The following TMEM117 variants were observed in gnomAD, a reference collection of about 807,000 sequenced individuals.
TMEM117 encodes the protein transmembrane protein 117.
In TMEM117, 27 loss-of-function variants were observed where a neutral mutation model predicts 52.4. The observed-to-expected ratio is 0.51, with a 90% CI of 0.38 to 0.71. The LOEUF (loss-of-function observed/expected upper bound fraction) is 0.71, where lower values mean the gene tolerates loss of function less well. TMEM117 is among the 30% of genes least tolerant of loss of function. TMEM117 has a pLI of 0.00. For synonymous variants in TMEM117, 215 were observed against 206.3 expected (o/e 1.04, Z -0.36); for missense variants, 556 against 630.5 (o/e 0.88, Z 1.26).
At chr12:44,061,240 A>G (rs758208737) in intron 3 of TMEM117, among the ~76,000 whole-genome samples, 3 of 151,078 alleles carry the variant, frequency 2.0e-5, no homozygotes, top group African/African-American at 4.9e-5. Context: ...GATCTCTGGT[A>G]TCTGGGGTCA....
chr12:43,920,036 C>T (rs983442961), intron 2 of TMEM117, among the ~76,000 whole-genome samples: 1 of 151,952 alleles, frequency 6.6e-6, no homozygotes, highest in Non-Finnish European at 1.5e-5. Flanking sequence ...AATCTTCTCC[C>T]TGTGGCACAA....
chr12:44,286,640 A>G (rs1235277508), intron 5 of TMEM117, among the ~76,000 whole-genome samples: 1 of 152,210 alleles, frequency 6.6e-6, no homozygotes, highest in African/African-American at 2.4e-5. Context: ...ACCTAAAGTA[A>G]AAGTTCCGTA....
intron 4 of TMEM117, among the ~76,000 whole-genome samples, chr12:44,183,398 T>A (rs992498840): frequency 3.3e-5 from 5 of 152,218 alleles, no homozygotes; most frequent in African/African-American, 1.2e-4. Flanking sequence ...TTAGGTGACA[T>A]GAAGCTGGGT....
intron 3 of TMEM117, among the ~76,000 whole-genome samples, chr12:43,945,122 T>TAAATAAATAAAC (rs1357635426): frequency 6.6e-6 from 1 of 151,180 alleles, no homozygotes; most frequent in Non-Finnish European, 1.5e-5. Context: ...AATAAATAAA[T>TAAATAAATAAAC]AAATAAATAA....
chr12:44,251,091 T>A (rs192940480), intron 5 of TMEM117, among the ~76,000 whole-genome samples: 1 of 152,150 alleles, frequency 6.6e-6, no homozygotes, highest in African/African-American at 2.4e-5. Context: ...TTACATATTG[T>A]CTTGTCCAAG....
At chr12:43,981,162 C>G (rs1221334234) in intron 3 of TMEM117, among the ~76,000 whole-genome samples, 1 of 152,012 alleles carries the variant, frequency 6.6e-6, no homozygotes, top group African/African-American at 2.4e-5. Flanking sequence ...TGACCGATCT[C>G]CTACACCATG....
intron 5 of TMEM117, among the ~76,000 whole-genome samples, chr12:44,244,991 A>G (rs1950111081): frequency 6.6e-6 from 1 of 151,986 alleles, no homozygotes; most frequent in Non-Finnish European, 1.5e-5. Flanking sequence ...TCAAAAATCA[A>G]TTGACTATAA....
chr12:44,205,609 A>C (rs1276130830), intron 4 of TMEM117, among the ~76,000 whole-genome samples: 1 of 152,218 alleles, frequency 6.6e-6, no homozygotes, highest in Non-Finnish European at 1.5e-5. Context: ...AAGGACATGA[A>C]CAGACACTTA....
chr12:44,244,962 T>A, intron 5 of TMEM117, among the ~76,000 whole-genome samples: 1 of 152,106 alleles, frequency 6.6e-6, no homozygotes. Context: ...TTCCTTATTG[T>A]ATGTTCTTGT....
At chr12:44,164,330 C>T (rs575964737) in intron 4 of TMEM117, among the ~76,000 whole-genome samples, 4 of 152,116 alleles carry the variant, frequency 2.6e-5, no homozygotes, top group Admixed American at 2.0e-4. Context: ...ACACTGTACC[C>T]AATATGTAGT....
At chr12:44,268,310 T>C (rs897761862) in intron 5 of TMEM117, among the ~76,000 whole-genome samples, 2 of 151,878 alleles carry the variant, frequency 1.3e-5, no homozygotes, top group African/African-American at 4.8e-5. Flanking sequence ...GCTAATTTTT[T>C]TTTTTATACT....
intron 3 of TMEM117, among the ~76,000 whole-genome samples, chr12:43,981,300 C>G (rs547420687): frequency 1.3e-5 from 2 of 152,248 alleles, no homozygotes; most frequent in South Asian, 2.1e-4. Context: ...ATTGTTCAAT[C>G]TGGGTTTTAG....
At chr12:44,198,962 T>G (rs1384421268) in intron 4 of TMEM117, among the ~76,000 whole-genome samples, 2 of 152,146 alleles carry the variant, frequency 1.3e-5, no homozygotes, top group Admixed American at 1.3e-4. Flanking sequence ...AATATGACTG[T>G]AGTGTATTTG....
At position 44,376,736 on chromosome 12, in the gene TMEM117, C is replaced by G. The variant is rs774343251; in HGVS notation, c.898+12C>G. ...TATTCACATAACAGGTGTGTTATAT[C>G]TTTGAACACAATTTGATTATCTTCG... On this transcript the variant is annotated intron_variant, in intron 7 of 7. Coordinates refer to ENST00000266534, the MANE Select transcript of TMEM117 (RefSeq NM_032256.3). 2.5e-6 allele frequency: 4 copies of G among 1,582,424 alleles called. No individual in the cohort carries two copies. The African/African-American group carries it at 5.5e-5, about 22-fold the overall frequency.
intron 1 of TMEM117, among the ~76,000 whole-genome samples, chr12:43,843,023 A>C (rs1037697011): frequency 1.3e-4 from 20 of 152,144 alleles, no homozygotes; most frequent in African/African-American, 4.8e-4. Context: ...GTCAGCCCCA[A>C]TTTCCACCCT....
intron 4 of TMEM117, among the ~76,000 whole-genome samples, chr12:44,166,316 G>T (rs1426902105): frequency 6.6e-6 from 1 of 152,146 alleles, no homozygotes. Flanking sequence ...TCAAGGAACT[G>T]GATGGTATAG....
At chr12:44,177,570 A>G (rs1949133171) in intron 4 of TMEM117, among the ~76,000 whole-genome samples, 1 of 152,186 alleles carries the variant, frequency 6.6e-6, no homozygotes, top group South Asian at 2.1e-4. Flanking sequence ...ACAAAGGCTG[A>G]AACGCTGCAT....
At chr12:44,308,316 T>G (rs531848345) in intron 6 of TMEM117, among the ~76,000 whole-genome samples, 1 of 152,176 alleles carries the variant, frequency 6.6e-6, no homozygotes, top group Non-Finnish European at 1.5e-5. Flanking sequence ...ATGAATGTGC[T>G]TTTTCTTATA....
chr12:43,982,283 C>T lies in TMEM117; in HGVS notation c.410+37941C>T, dbSNP rs143205407. ...GTTTCCCCGAGGAATACAAAATGAT[C>T]AGAAGGGTCCAGGGTGAGTGTGAAT... On this transcript the variant is annotated intron_variant, in intron 3 of 7. Coordinates refer to ENST00000266534, the MANE Select transcript of TMEM117 (RefSeq NM_032256.3). Among the ~76,000 whole-genome samples, 13 of 152,218 alleles carry T rather than the reference C, an allele frequency of 8.5e-5. No homozygotes were observed. The East Asian group carries it at 2.3e-3, about 27-fold the overall frequency.
Sources: gnomAD v4.1 joint callset for allele counts (sites outside exome capture counted in the v4.1 genomes callset) on GRCh38, gnomAD v4.1.1 for gene constraint, MANE v1.5 for transcripts, NCBI Gene and HGNC (gene_info 2026-07-23, HGNC 2026-07-21) for gene names.